The following ZCCHC24 variants were observed in gnomAD, a reference collection of about 807,000 sequenced individuals.
ZCCHC24 encodes the protein zinc finger CCHC domain-containing protein 24.
In ZCCHC24, 10 loss-of-function variants were observed where a neutral mutation model predicts 26.2. That is an observed-to-expected ratio of 0.38 (90% CI 0.24 to 0.65). ZCCHC24 has a LOEUF of 0.65. ZCCHC24 is among the 30% of genes least tolerant of loss of function. The probability of loss-of-function intolerance (pLI) is 0.54; values close to 1 mark genes in which losing one functional copy is unlikely to be tolerated. For synonymous variants in ZCCHC24, 144 were observed against 147.1 expected, an observed-to-expected ratio of 0.98 and a Z score of 0.15; for missense variants, 243 against 329.1, an observed-to-expected ratio of 0.74 and a Z score of 2.03.
chr10:79,444,478 C>CCG (rs1564643766), intron 1 of ZCCHC24, among the ~76,000 whole-genome samples: 1 of 151,950 alleles, frequency 6.6e-6, no homozygotes, highest in African/African-American at 2.4e-5. Flanking sequence ...CTCTCCCCCC[C>CCG]CCTTTCTAGC....
intron 2 of ZCCHC24, chr10:79,403,464 C>T (rs993832758): frequency 1.0e-5 from 10 of 985,340 alleles, no homozygotes; most frequent in African/African-American, 5.2e-5. Flanking sequence ...GGAAGGGCTG[C>T]GTCCCTGCAG....
intron 2 of ZCCHC24, 135 bp from the exon 3 acceptor site, chr10:79,394,575 A>G: frequency 6.9e-7 from 1 of 1,447,436 alleles, no homozygotes; most frequent in East Asian, 2.4e-5. Context: ...CCCAGTCTAG[A>G]TAATACCAGG....
intron 2 of ZCCHC24, among the ~76,000 whole-genome samples, chr10:79,406,358 G>C (rs1304311271): frequency 6.6e-6 from 1 of 152,194 alleles, no homozygotes; most frequent in Non-Finnish European, 1.5e-5. Context: ...ATTGGGTGGA[G>C]GGGAGCTCTG....
chr10:79,430,675 A>ACT (rs879280404), intron 2 of ZCCHC24, among the ~76,000 whole-genome samples: 9,974 of 143,816 alleles, frequency 0.069, 407 homozygotes, highest in South Asian at 0.14. Context: ...ACATACACTC[A>ACT]CACACACACA....
At chr10:79,389,860 C>T (rs1025828161) in intron 3 of ZCCHC24, among the ~76,000 whole-genome samples, 10 of 152,060 alleles carry the variant, frequency 6.6e-5, no homozygotes, top group Non-Finnish European at 1.3e-4. Flanking sequence ...AAGTGATCCA[C>T]CCACTTTGGC....
At chr10:79,442,333 G>A (rs1035801397) in intron 1 of ZCCHC24, among the ~76,000 whole-genome samples, 2 of 152,146 alleles carry the variant, frequency 1.3e-5, no homozygotes, top group African/African-American at 4.8e-5. Flanking sequence ...AGGAACTCTG[G>A]TGTGAACTCT....
In ZCCHC24 at chr10:79,386,478, G is replaced by A. The variant is rs759764591; in HGVS notation, c.613-20C>T. ...GGGTCTCTGCAGAGAGAAGGAGGAA[G>A]GGGCCCAGGGGAGTGAGGGGAGAGA... On this transcript the variant is annotated intron_variant, in intron 3 of 3. Coordinates refer to ENST00000372336, the MANE Select transcript of ZCCHC24 (RefSeq NM_153367.4). The A allele has an allele frequency of 6.4e-7, 1 of 1,567,450 alleles. No homozygotes were observed.
intron 2 of ZCCHC24, among the ~76,000 whole-genome samples, chr10:79,425,854 G>T (rs973607008): frequency 1.3e-5 from 2 of 151,168 alleles, no homozygotes; most frequent in Admixed American, 6.6e-5. Flanking sequence ...AATAGCAGCT[G>T]TTTTTTCAAG....
At chr10:79,413,779 T>TGTGTGTGA (rs1365480096) in intron 2 of ZCCHC24, among the ~76,000 whole-genome samples, 5 of 146,670 alleles carry the variant, frequency 3.4e-5, no homozygotes, top group African/African-American at 1.0e-4. Context: ...TGTGTGTGTG[T>TGTGTGTGA]GAGAGAGAGA....
In ZCCHC24 at chr10:79,386,335, G is replaced by C. The variant is rs74319619; in HGVS notation, c.*10C>G. On this transcript the variant is annotated 3_prime_UTR_variant, in exon 4 of 4. Transcript: ENST00000372336. The stretch of plus-strand genomic sequence containing the variant: ...GCGGGGGGTGGCTCTGGGTGCGGGC[G>C]GGCAGCCCGTCACTGCACGCGACGG... 4 of 1,610,794 alleles carry C rather than the reference G, an allele frequency of 2.5e-6. No homozygotes were observed. Among genetic ancestry groups the C allele is most frequent in the South Asian group, 1.1e-5 (1 of 90,652 alleles).
chr10:79,404,401 A>G (rs2279337), intron 2 of ZCCHC24, among the ~76,000 whole-genome samples: 34,554 of 152,128 alleles, frequency 0.23, 4,255 homozygotes, highest in Middle Eastern at 0.4. Context: ...CACACGGATC[A>G]GAGCGGAGGG....
intron 1 of ZCCHC24, among the ~76,000 whole-genome samples, chr10:79,440,585 A>G (rs957940697): frequency 6.6e-6 from 1 of 152,206 alleles, no homozygotes. Flanking sequence ...TGCAACCCGT[A>G]GCTGGAACAC....
rs1195911771 is a variant in ZCCHC24, at chr10:79,433,106, C to T, written c.247-348G>A. On this transcript the variant is annotated intron_variant, in intron 1 of 3. Coordinates refer to ENST00000372336, the MANE Select transcript of ZCCHC24 (RefSeq NM_153367.4). Reference sequence around the variant, plus strand: ...TTGATGATGGCTATTATTATTATTACCATTAGTTCTTAACATACTGCCATG... The same window carrying T: ...TTGATGATGGCTATTATTATTATTATCATTAGTTCTTAACATACTGCCATG... Among the ~76,000 whole-genome samples the T allele has an allele frequency of 2.0e-5, 3 of 152,164 alleles. No individual in the cohort carries two copies. In the East Asian group the frequency reaches 5.8e-4, roughly 29 times the overall value.
In ZCCHC24 at chr10:79,445,598, T is replaced by TGCC; in HGVS notation, c.-161_-159dup. The stretch of plus-strand genomic sequence containing the variant: ...CGCCCCGCGCGCTGCCCGCAGCCGC[T>TGCC]GCCGCTGCCGCCGCCTCCCCCCGAC... On this transcript the variant is annotated 5_prime_UTR_variant, in exon 1 of 4. Transcript: ENST00000372336. 1 of 525,540 alleles carries TGCC rather than the reference T, an allele frequency of 1.9e-6. No homozygotes were observed. Among genetic ancestry groups the TGCC allele is most frequent in the Non-Finnish European group, 2.5e-6 (1 of 406,936 alleles). The allele number at this position is 525,540 out of a possible 1,614,324, so 32.6% of individuals were successfully genotyped here.
At chr10:79,403,142 G>A (rs7902656) in intron 2 of ZCCHC24, among the ~76,000 whole-genome samples, 127,260 of 152,254 alleles carry the variant, frequency 0.84, 53,270 homozygotes, top group East Asian at 0.92. Flanking sequence ...AGCCCAAGTC[G>A]GACTCACACC....
intron 2 of ZCCHC24, among the ~76,000 whole-genome samples, chr10:79,407,985 G>A (rs1216149160): frequency 6.6e-6 from 1 of 152,196 alleles, no homozygotes; most frequent in East Asian, 1.9e-4. Flanking sequence ...CCATCACCGG[G>A]AACAATGATC....
chr10:79,423,591 A>ATT (rs373110200), intron 2 of ZCCHC24, among the ~76,000 whole-genome samples: 2 of 49,666 alleles, frequency 4.0e-5, no homozygotes, highest in African/African-American at 1.3e-4. Flanking sequence ...CTATATATAT[A>ATT]TATATATATA....
intron 2 of ZCCHC24, among the ~76,000 whole-genome samples, chr10:79,424,515 C>T (rs1564638513): frequency 6.6e-6 from 1 of 152,220 alleles, no homozygotes; most frequent in Admixed American, 6.5e-5. Flanking sequence ...CATTCCCTCC[C>T]CTTCAGCTTC....
At chr10:79,441,632 C>A (rs920889913) in intron 1 of ZCCHC24, among the ~76,000 whole-genome samples, 7 of 152,070 alleles carry the variant, frequency 4.6e-5, no homozygotes, top group Non-Finnish European at 1.0e-4. Context: ...TTTTGCACTG[C>A]AGGAGTTCTC....
Sources: allele counts gnomAD v4.1 joint callset (sites outside exome capture counted in the v4.1 genomes callset), GRCh38; gene constraint gnomAD v4.1.1; transcripts MANE v1.5; gene names NCBI Gene and HGNC (gene_info 2026-07-23, HGNC 2026-07-21).